HDAC3: variants seen among roughly 807,000 people sequenced by gnomAD.
The protein encoded by HDAC3 is histone deacetylase 3.
HDAC3 carries 21 observed loss-of-function variants against 62.3 expected under a neutral mutation model. That is an observed-to-expected ratio of 0.34 (90% CI 0.24 to 0.49). HDAC3 has a LOEUF of 0.49. HDAC3 is among the 20% of genes least tolerant of loss of function. The probability of loss-of-function intolerance (pLI) is 0.99; values close to 1 mark genes in which losing one functional copy is unlikely to be tolerated. For synonymous variants in HDAC3, 198 were observed against 206.5 expected (o/e 0.96, Z 0.35); for missense variants, 270 against 556.9 (o/e 0.48, Z 5.19).
In HDAC3 at chr5:141,634,819, G is replaced by A. The variant is rs1366140973; in HGVS notation, c.273C>T (p.Gly91=). 5.6e-6 allele frequency: 9 copies of A among 1,613,638 alleles called. No individual in the cohort carries two copies. Among genetic ancestry groups the A allele is most frequent in the East Asian group, 2.2e-5 (1 of 44,850 alleles). The change falls in exon 3 of 15, where the codon GGC becomes GGT. Residue 91 remains glycine (G), a synonymous_variant. Transcript: ENST00000305264. The part of the protein sequence containing the change: ...FTKSLNAFNV[G]DDCPVFPGLF... ...TCCCAGTCCTCCCTCACCAGTCATC[G>A]CCTACGTTGAAGGCATTAAGACTCT...
In HDAC3 at chr5:141,629,571, G is replaced by T; in HGVS notation, c.476+113C>A. ...AGAGGCAGCCTGAATAAAGCATCAAGAACTTGGGAGAAGCTAATCAGGGAG... is the reference window on the plus strand; with the variant it reads ...AGAGGCAGCCTGAATAAAGCATCAATAACTTGGGAGAAGCTAATCAGGGAG... On this transcript the variant is annotated intron_variant, in intron 6 of 14. Coordinates refer to ENST00000305264, the MANE Select transcript of HDAC3 (RefSeq NM_003883.4). This position sits in a 1 kb window ranked among gnomAD's most constrained non-coding sequence, Gnocchi z 5.3. The T allele has an allele frequency of 9.0e-7, 1 of 1,106,032 alleles. No individual in the cohort carries two copies. The highest frequency in any genetic ancestry group is 1.3e-5 in the South Asian group (1 of 74,996). 68.5% of individuals were successfully genotyped at this position (1,106,032 alleles called of 1,614,324 possible).
At position 141,621,484 on chromosome 5, in the gene HDAC3, C is replaced by T; in HGVS notation, c.1271G>A (p.Ser424Asn). ...AAGCCACTCTTAAATCTCCACATCG[C>T]TTTCCTTGTCATTGTCATGGTCTCC... ...YDGDHDNDKESDVEI is the reference protein window; with the variant it reads ...YDGDHDNDKENDVEI Residue 424 changes from serine (S) to asparagine (N), a missense_variant, in exon 15 of 15, where the codon AGC becomes AAC. Physicochemically the swap from Ser to Asn is conservative, Grantham distance 46 (BLOSUM62 1). Transcript: ENST00000305264. The T allele has an allele frequency of 6.2e-7, 1 of 1,614,066 alleles. No homozygotes were observed. The highest frequency in any genetic ancestry group is 8.5e-7 in the Non-Finnish European group (1 of 1,179,952).
At chr5:141,630,152 C>A in intron 3 of HDAC3, 27 bp from the exon 4 acceptor site, 1 of 1,607,412 alleles carries the variant, frequency 6.2e-7, no homozygotes, top group South Asian at 1.1e-5. Context: ...CAAGTTGGAA[C>A]CCTCCTGCCT....
At chr5:141,632,224 C>T (rs1309164712) in intron 3 of HDAC3, among the ~76,000 whole-genome samples, 1 of 152,292 alleles carries the variant, frequency 6.6e-6, no homozygotes, top group African/African-American at 2.4e-5. Flanking sequence ...GGGGTTTCAC[C>T]ATGTTGGCCA....
chr5:141,625,862 G>A lies in HDAC3; in HGVS notation c.980-98C>T. 7.5e-7 allele frequency: 1 copy of A among 1,331,128 alleles called. No homozygotes were observed. The highest frequency in any genetic ancestry group is 1.1e-6 in the Non-Finnish European group (1 of 923,326). The allele number at this position is 1,331,128 out of a possible 1,614,324, so 82.5% of individuals were successfully genotyped here. ...TCCCATCCAGAGCACCTACATAATAGCTGCCCAATCTCTTCCCTGCTCTGA... is the reference window on the plus strand; with the variant it reads ...TCCCATCCAGAGCACCTACATAATAACTGCCCAATCTCTTCCCTGCTCTGA... On this transcript the variant is annotated intron_variant, in intron 12 of 14. Transcript: ENST00000305264. This position sits in a 1 kb window ranked among gnomAD's most constrained non-coding sequence, Gnocchi z 4.0.
rs2099903662 is a variant in HDAC3, at chr5:141,621,228, A to T, written c.*240T>A. The stretch of plus-strand genomic sequence containing the variant: ...CTGGCCTCCAGGGCCCACTGCCAAT[A>T]ATGTCCCAGATAGCTATCCTTGTCT... On this transcript the variant is annotated 3_prime_UTR_variant, in exon 15 of 15. Coordinates refer to ENST00000305264, the MANE Select transcript of HDAC3 (RefSeq NM_003883.4). The T allele has an allele frequency of 4.1e-6, 2 of 483,772 alleles. No homozygotes were observed. The allele number at this position is 483,772 out of a possible 1,614,324, so 30.0% of individuals were successfully genotyped here.
At chr5:141,624,747 A>C (rs114046548) in intron 14 of HDAC3, 2,113 of 153,242 alleles carry the variant, frequency 0.014, 17 homozygotes, top group Middle Eastern at 0.034. Context: ...CAGCTGATAA[A>C]ATACTGAAGC....
In HDAC3 at chr5:141,621,414, G is replaced by T; in HGVS notation, c.*54C>A. 3 of 1,530,016 alleles carry T rather than the reference G, an allele frequency of 2.0e-6. No homozygotes were observed. The highest frequency in any genetic ancestry group is 2.7e-6 in the Non-Finnish European group (3 of 1,103,828). 94.8% of individuals were successfully genotyped at this position (1,530,016 alleles called of 1,614,324 possible). A position where few individuals can be genotyped will look rare whatever the true frequency, so the allele number is the denominator to read the frequency against. ...CTAGGAGCCACTCCTTTTCCCTCCAGCCCAACCAAGAGGTGAAAAGAAATT... is the reference window on the plus strand; with the variant it reads ...CTAGGAGCCACTCCTTTTCCCTCCATCCCAACCAAGAGGTGAAAAGAAATT... On this transcript the variant is annotated 3_prime_UTR_variant, in exon 15 of 15. Coordinates refer to ENST00000305264, the MANE Select transcript of HDAC3 (RefSeq NM_003883.4).
intron 14 of HDAC3, among the ~76,000 whole-genome samples, chr5:141,624,520 G>A (rs1489858854): frequency 7.2e-6 from 1 of 138,704 alleles, no homozygotes; most frequent in Non-Finnish European, 1.5e-5. Context: ...TCATGCCACT[G>A]TACTCCAGCC....
At position 141,629,848 on chromosome 5, in the gene HDAC3, C is replaced by A; in HGVS notation, c.420+12G>T. 1 of 1,614,136 alleles carries A rather than the reference C, an allele frequency of 6.2e-7. No individual in the cohort carries two copies. Among genetic ancestry groups the A allele is most frequent in the Non-Finnish European group, 8.5e-7 (1 of 1,180,008 alleles). ...GGATGGCCACTGTCTTTCCCATCAC[C>A]TCCTCACTCACCTCAAACTTCTTGG... On this transcript the variant is annotated intron_variant, in intron 5 of 14. Transcript: ENST00000305264. This position sits in a 1 kb window ranked among gnomAD's most constrained non-coding sequence, Gnocchi z 5.3.
chr5:141,633,190 T>C (rs537294505), intron 3 of HDAC3, among the ~76,000 whole-genome samples: 3 of 152,324 alleles, frequency 2.0e-5, no homozygotes, highest in Admixed American at 6.5e-5. Context: ...ATCAACAACC[T>C]GGTTTCTTCA....
intron 14 of HDAC3, 103 bp from the exon 15 acceptor site, chr5:141,621,640 C>T: frequency 2.3e-6 from 2 of 860,564 alleles, no homozygotes; most frequent in Non-Finnish European, 3.9e-6. Flanking sequence ...AGAACCACTC[C>T]TCCTCTTGTT....
chr5:141,627,813 T>C, intron 10 of HDAC3, 80 bp downstream of exon 10: 4 of 1,217,304 alleles, frequency 3.3e-6, no homozygotes, highest in Non-Finnish European at 4.9e-6. Flanking sequence ...GTGAGGCCCA[T>C]TCCCCAACTA....
In HDAC3 at chr5:141,626,768, ATGTG is replaced by A. The variant is rs533488025; in HGVS notation, c.831-489_831-486del. ...AAAAAAGAAAAAAAAAAACATATATATGTGTGTGTGTGTGTGTATATATATATAT... is the reference window on the plus strand; with the variant it reads ...AAAAAAGAAAAAAAAAAACATATATATGTGTGTGTGTGTATATATATATAT... On this transcript the variant is annotated intron_variant, in intron 10 of 14. Coordinates refer to ENST00000305264, the MANE Select transcript of HDAC3 (RefSeq NM_003883.4). The surrounding 1 kb of genome is among the most constrained non-coding windows in gnomAD (Gnocchi z 4.6). Among the ~76,000 whole-genome samples, 33 of 133,206 alleles carry A rather than the reference ATGTG, an allele frequency of 2.5e-4. No individual in the cohort carries two copies. The highest frequency in any genetic ancestry group is 9.2e-4 in the African/African-American group (30 of 32,582). The allele number at this position is 133,206 out of a possible 152,430, so 87.4% of individuals were successfully genotyped here.
intron 14 of HDAC3, among the ~76,000 whole-genome samples, chr5:141,621,866 G>A (rs2099903751): frequency 6.6e-6 from 1 of 152,198 alleles, no homozygotes. Flanking sequence ...TTAATAAAAT[G>A]AAGTGATAGG....
chr5:141,627,536 T>C (rs968582683), intron 10 of HDAC3, among the ~76,000 whole-genome samples: 1 of 152,226 alleles, frequency 6.6e-6, no homozygotes, highest in Non-Finnish European at 1.5e-5. Flanking sequence ...CCCCATTGTA[T>C]CCTGTGTCTC....
chr5:141,636,849 C>G lies in HDAC3; in HGVS notation c.-59G>C. 7.4e-7 allele frequency: 1 copy of G among 1,354,066 alleles called. No homozygotes were observed. Among genetic ancestry groups the G allele is most frequent in the Non-Finnish European group, 9.6e-7 (1 of 1,044,444 alleles). The allele number at this position is 1,354,066 out of a possible 1,614,324, so 83.9% of individuals were successfully genotyped here. ...GCCCGCCGCCCGCGGCCGCCGCCAG[C>G]CCCTCCCCGGCCGTGCGTGCTGCGC... On this transcript the variant is annotated 5_prime_UTR_variant, in exon 1 of 15. Coordinates refer to ENST00000305264, the MANE Select transcript of HDAC3 (RefSeq NM_003883.4).
chr5:141,629,819 C>G lies in HDAC3; in HGVS notation c.420+41G>C, dbSNP rs1209386685. On this transcript the variant is annotated intron_variant, in intron 5 of 14. Transcript: ENST00000305264. The surrounding 1 kb of genome is among the most constrained non-coding windows in gnomAD (Gnocchi z 5.3). ...CCCCACCATCATCCTAAACACCTAC[C>G]CTAGGATGGCCACTGTCTTTCCCAT... 6.2e-7 allele frequency: 1 copy of G among 1,610,758 alleles called. No homozygotes were observed. Among genetic ancestry groups the G allele is most frequent in the Non-Finnish European group, 8.5e-7 (1 of 1,176,988 alleles).
Position 141,625,193 on chromosome 5 carries a change from T to C in HDAC3, c.1217+15A>G. The C allele has an allele frequency of 6.3e-7, 1 of 1,587,980 alleles. No homozygotes were observed. The highest frequency in any genetic ancestry group is 8.5e-7 in the Non-Finnish European group (1 of 1,171,728). ...CAAGCCTATTGAAAGTAGGCTGAAG[T>C]CCCTGCTCCCAGACCTGCTATAGTT... On this transcript the variant is annotated intron_variant, in intron 14 of 14. Transcript: ENST00000305264. The surrounding 1 kb of genome is among the most constrained non-coding windows in gnomAD (Gnocchi z 4.0).
Sources: gnomAD v4.1 joint callset for allele counts (sites outside exome capture counted in the v4.1 genomes callset) on GRCh38, gnomAD v4.1.1 for gene constraint, Gnocchi (gnomAD v3.1) non-coding constraint, MANE v1.5 for transcripts, NCBI Gene and HGNC (gene_info 2026-07-23, HGNC 2026-07-21) for gene names.